LRRFIP2: variants seen among roughly 807,000 people sequenced by gnomAD.
LRRFIP2 encodes the protein LRR binding FLII interacting protein 2.
LRRFIP2 carries 109 observed loss-of-function variants against 125.9 expected under a neutral mutation model. The ratio of observed to expected loss-of-function variants is 0.87; its 90% CI spans 0.74 to 1.01. The LOEUF is 1.01. Among genes scored for constraint, LRRFIP2 ranks in the 50% least tolerant of loss-of-function variants. The pLI is 0.00. For missense variants in LRRFIP2, 850 were observed against 862.3 expected (o/e 0.99, Z 0.18); for synonymous variants, 291 against 293.1 (o/e 0.99, Z 0.07).
chr3:37,065,362 G>T, intron 23 of LRRFIP2: 1 of 314,960 alleles, frequency 3.2e-6, no homozygotes, highest in Non-Finnish European at 6.3e-6. Context: ...TTGGTCATCT[G>T]TTTCTTGGCT....
chr3:37,159,243 T>C (rs1247227579), intron 1 of LRRFIP2, among the ~76,000 whole-genome samples: 4 of 152,206 alleles, frequency 2.6e-5, no homozygotes, highest in Non-Finnish European at 5.9e-5. Flanking sequence ...GAAAAGACCA[T>C]TGTTTCTCCC....
At chr3:37,109,764 A>C (rs1419339396) in intron 9 of LRRFIP2, 61 bp from the exon 10 acceptor site, 2 of 1,433,484 alleles carry the variant, frequency 1.4e-6, no homozygotes, top group Non-Finnish European at 2.0e-6. Flanking sequence ...TGGTCTCACC[A>C]TCATGAATGC....
At chr3:37,081,804 C>T (rs928570991) in intron 19 of LRRFIP2, among the ~76,000 whole-genome samples, 1 of 149,770 alleles carries the variant, frequency 6.7e-6, no homozygotes, top group Non-Finnish European at 1.5e-5. Flanking sequence ...GGGAGGATCA[C>T]TTGAGCCTGG....
rs200770177 is a variant in LRRFIP2 at position 37,098,388 on chromosome 3, C to CT, written c.874-1729dup. On this transcript the variant is annotated intron_variant, in intron 15 of 27. Coordinates refer to ENST00000336686, the MANE Select transcript of LRRFIP2 (RefSeq NM_006309.4). ...GCTTTTTTTAACTTTAATTTTTTTT[C>CT]TTTTTTTTCTTTTTTTTGAGACAGG... is the stretch of plus-strand genomic sequence containing the variant. Among the ~76,000 whole-genome samples, 316 of 143,024 alleles carry CT rather than the reference C, an allele frequency of 2.2e-3. 6 individuals carry two copies. Among genetic ancestry groups the CT allele is most frequent in the Non-Finnish European group, 3.2e-3 (204 of 64,156 alleles). The allele number at this position is 143,024 out of a possible 152,430, so 93.8% of individuals were successfully genotyped here.
At chr3:37,144,505 C>T (rs1264220316) in intron 2 of LRRFIP2, among the ~76,000 whole-genome samples, 1 of 152,090 alleles carries the variant, frequency 6.6e-6, no homozygotes, top group Non-Finnish European at 1.5e-5. Context: ...ACTCGGGAGG[C>T]AAGGTGGGAG....
intron 19 of LRRFIP2, among the ~76,000 whole-genome samples, chr3:37,079,597 C>T (rs943473467): frequency 1.3e-5 from 2 of 152,036 alleles, no homozygotes. Context: ...AAAAAGAAAA[C>T]TTACGTCCAA....
At chr3:37,123,419 C>T (rs942306133) in intron 4 of LRRFIP2, among the ~76,000 whole-genome samples, 9 of 152,162 alleles carry the variant, frequency 5.9e-5, no homozygotes, top group African/African-American at 1.9e-4. Context: ...GAATTCCTGA[C>T]CTCAAGGGAT....
rs1174708421 is a variant in LRRFIP2 at position 37,053,582 on chromosome 3, T to C, written c.*269A>G. 2.7e-6 allele frequency: 1 copy of C among 367,466 alleles called. No homozygotes were observed. The highest frequency in any genetic ancestry group is 5.7e-5 in the East Asian group (1 of 17,452). 22.8% of individuals were successfully genotyped at this position (367,466 alleles called of 1,614,324 possible). A position where few individuals can be genotyped will look rare whatever the true frequency, so the allele number is the denominator to read the frequency against. On this transcript the variant is annotated 3_prime_UTR_variant, in exon 28 of 28. Coordinates refer to ENST00000336686, the MANE Select transcript of LRRFIP2 (RefSeq NM_006309.4). ...TACTGAGGCAGCTGGGGAAAAACGTTGAGTAAACATGATTCTACAATTACG... is the reference window on the plus strand; with the variant it reads ...TACTGAGGCAGCTGGGGAAAAACGTCGAGTAAACATGATTCTACAATTACG...
intron 15 of LRRFIP2, among the ~76,000 whole-genome samples, chr3:37,099,512 T>TTA (rs1458453098): frequency 1.3e-5 from 2 of 152,158 alleles, no homozygotes; most frequent in African/African-American, 4.8e-5. Context: ...AATTTCTAAT[T>TTA]TATATATATA....
chr3:37,152,511 T>C (rs1041091592), intron 1 of LRRFIP2, among the ~76,000 whole-genome samples: 11 of 152,204 alleles, frequency 7.2e-5, no homozygotes, highest in African/African-American at 2.7e-4. Context: ...TGACATGATC[T>C]TGGCTCACTG....
chr3:37,065,637 C>G (rs1379458266), intron 23 of LRRFIP2, 173 bp downstream of exon 23: 1 of 804,648 alleles, frequency 1.2e-6, no homozygotes, highest in Non-Finnish European at 2.1e-6. Flanking sequence ...GCTGATTTCC[C>G]AAGGTCAAGG....
At chr3:37,077,586 A>G (rs925493368) in intron 19 of LRRFIP2, among the ~76,000 whole-genome samples, 2 of 152,194 alleles carry the variant, frequency 1.3e-5, no homozygotes, top group Non-Finnish European at 2.9e-5. Flanking sequence ...AAAATTTAAA[A>G]TTCCCTAAAG....
At chr3:37,088,290 T>C (rs2093208806) in intron 18 of LRRFIP2, among the ~76,000 whole-genome samples, 1 of 152,180 alleles carries the variant, frequency 6.6e-6, no homozygotes, top group East Asian at 1.9e-4. Flanking sequence ...GTCTATTAAC[T>C]CTTGACAGTT....
At chr3:37,128,927 G>A in intron 3 of LRRFIP2, 136 bp downstream of exon 3, 1 of 756,686 alleles carries the variant, frequency 1.3e-6, no homozygotes, top group Admixed American at 2.6e-5. Context: ...GGCACAGAAT[G>A]GCTTGATAAA....
At chr3:37,106,906 A>AT (rs34377493) in intron 13 of LRRFIP2, among the ~76,000 whole-genome samples, 118,769 of 144,604 alleles carry the variant, frequency 0.82, 49,041 homozygotes, top group Middle Eastern at 0.91. Context: ...GGAAATGACT[A>AT]TTTTTTTTTT....
chr3:37,127,734 C>G (rs1413900954), intron 3 of LRRFIP2, 54 bp from the exon 4 acceptor site: 4 of 1,374,812 alleles, frequency 2.9e-6, no homozygotes, highest in Non-Finnish European at 3.1e-6. Context: ...TTGCATTCTC[C>G]AAAAACCTTA....
chr3:37,063,942 G>C lies in LRRFIP2; in HGVS notation c.1700-151C>G. 6.5e-6 allele frequency: 4 copies of C among 617,458 alleles called. No homozygotes were observed. In the South Asian group the frequency reaches 8.6e-5, roughly 13 times the overall value. 38.2% of individuals were successfully genotyped at this position (617,458 alleles called of 1,614,324 possible). On this transcript the variant is annotated intron_variant, in intron 23 of 27. Coordinates refer to ENST00000336686, the MANE Select transcript of LRRFIP2 (RefSeq NM_006309.4). ...ATCTAAAGAAATAAAGGTGTTAATAGCATTACAGAAAAGTTCTTAACTATC... is the reference window on the plus strand; with the variant it reads ...ATCTAAAGAAATAAAGGTGTTAATACCATTACAGAAAAGTTCTTAACTATC...
At chr3:37,148,042 T>C (rs1199860581) in intron 2 of LRRFIP2, among the ~76,000 whole-genome samples, 1 of 152,208 alleles carries the variant, frequency 6.6e-6, no homozygotes, top group Non-Finnish European at 1.5e-5. Flanking sequence ...ACATGAAATA[T>C]TGTTTCCATC....
intron 2 of LRRFIP2, 32 bp from the exon 3 acceptor site, chr3:37,129,181 A>T: frequency 2.6e-6 from 4 of 1,561,892 alleles, no homozygotes; most frequent in Non-Finnish European, 2.6e-6. Context: ...AGCTTTATAC[A>T]ACAAAAACAA....
Sources: gnomAD v4.1 joint callset for allele counts (sites outside exome capture counted in the v4.1 genomes callset) on GRCh38, gnomAD v4.1.1 for gene constraint, MANE v1.5 for transcripts, NCBI Gene and HGNC (gene_info 2026-07-23, HGNC 2026-07-21) for gene names.